The following FRMPD1 variants were observed in gnomAD, a reference collection of about 807,000 sequenced individuals.
The protein encoded by FRMPD1 is FERM and PDZ domain-containing protein 1.
A neutral mutation model predicts 117.8 loss-of-function variants in FRMPD1; 76 were observed. The ratio of observed to expected loss-of-function variants is 0.65; its 90% CI spans 0.54 to 0.78. The LOEUF (loss-of-function observed/expected upper bound fraction) is 0.78, where lower values mean the gene tolerates loss of function less well. FRMPD1 is among the 30% of genes least tolerant of loss of function. The probability of loss-of-function intolerance (pLI) is 0.00; values close to 1 mark genes in which losing one functional copy is unlikely to be tolerated. For synonymous variants in FRMPD1, 783 were observed against 770.4 expected (o/e 1.02, Z -0.27); for missense variants, 1,786 against 1,964.5 (o/e 0.91, Z 1.72).
At chr9:37,712,753 AT>A in intron 5 of FRMPD1, among the ~76,000 whole-genome samples, 1 of 152,252 alleles carries the variant, frequency 6.6e-6, no homozygotes, top group East Asian at 1.9e-4. Flanking sequence ...ACAGAAGTAA[AT>A]CAATTAAATA....
At chr9:37,711,236 C>A in intron 4 of FRMPD1, 114 bp from the exon 5 acceptor site, 1 of 753,310 alleles carries the variant, frequency 1.3e-6, no homozygotes, top group South Asian at 1.5e-5. Flanking sequence ...CTGCTTTATA[C>A]TCATTCTGCC....
intron 7 of FRMPD1, among the ~76,000 whole-genome samples, chr9:37,726,650 A>G (rs904600127): frequency 6.6e-6 from 1 of 152,152 alleles, no homozygotes; most frequent in African/African-American, 2.4e-5. Flanking sequence ...GTGAGCCGAG[A>G]CCATGCCACT....
At chr9:37,682,617 A>G (rs930724129) in intron 1 of FRMPD1, among the ~76,000 whole-genome samples, 4 of 152,194 alleles carry the variant, frequency 2.6e-5, no homozygotes, top group African/African-American at 7.2e-5. Flanking sequence ...CCTAGGTTTT[A>G]TCTGGAGGGA....
chr9:37,610,377 T>C, the FRMPD1 span, among the ~76,000 whole-genome samples: 1 of 152,210 alleles, frequency 6.6e-6, no homozygotes, highest in Non-Finnish European at 1.5e-5. Context: ...CTCCATTTGT[T>C]GAATAACTGA....
chr9:37,685,377 C>T (rs188099763), intron 1 of FRMPD1, among the ~76,000 whole-genome samples: 2 of 152,196 alleles, frequency 1.3e-5, no homozygotes, highest in South Asian at 2.1e-4. Context: ...GGCGCAGTGG[C>T]TCACGCCTGT....
In FRMPD1 at chr9:37,745,131, AAAT is replaced by A. The variant is rs1175475930; in HGVS notation, c.3103_3105del (p.Asn1035del). ...CCTGCCTGGCCAGCAACCCAGGACT[AAAT>A]AATGTCTCTCAAGGAGACACACTAG... On this transcript the variant is annotated inframe_deletion, in exon 16 of 16. Transcript: ENST00000377765. 6.2e-7 allele frequency: 1 copy of A among 1,613,956 alleles called. No homozygotes were observed. Among genetic ancestry groups the A allele is most frequent in the African/African-American group, 1.3e-5 (1 of 74,928 alleles).
At chr9:37,684,831 GC>G (rs1314869096) in intron 1 of FRMPD1, among the ~76,000 whole-genome samples, 4 of 152,240 alleles carry the variant, frequency 2.6e-5, no homozygotes, top group African/African-American at 7.2e-5. Flanking sequence ...ATGGCTCACT[GC>G]AGCCTCAACC....
intron 1 of FRMPD1, among the ~76,000 whole-genome samples, chr9:37,656,699 T>G (rs960005376): frequency 2.0e-5 from 3 of 152,216 alleles, no homozygotes; most frequent in Middle Eastern, 3.2e-3. Flanking sequence ...TGAGACTTTT[T>G]TTTTTTCAGT....
At chr9:37,676,121 C>T (rs562113058) in intron 1 of FRMPD1, among the ~76,000 whole-genome samples, 1 of 152,178 alleles carries the variant, frequency 6.6e-6, no homozygotes, top group Non-Finnish European at 1.5e-5. Context: ...ACAGTTGTAC[C>T]CAGAGCATAG....
At chr9:37,676,296 T>C (rs1252230346) in intron 1 of FRMPD1, among the ~76,000 whole-genome samples, 1 of 152,186 alleles carries the variant, frequency 6.6e-6, no homozygotes, top group Non-Finnish European at 1.5e-5. Context: ...AGAGCTCGTG[T>C]CTCGGGGAGC....
Position 37,702,794 on chromosome 9 carries a change from G to A in FRMPD1, c.102-4622G>A, listed in dbSNP as rs537927476. Among the ~76,000 whole-genome samples the A allele has an allele frequency of 3.3e-4, 50 of 152,308 alleles. 2 individuals carry two copies. The South Asian group carries it at 8.9e-3, about 27-fold the overall frequency. Reference sequence around the variant, plus strand: ...AAGGGTAAACCATAGCTTACACAGTGCTCTGGAAGGGTATTTTCTAGATTG... The same window carrying A: ...AAGGGTAAACCATAGCTTACACAGTACTCTGGAAGGGTATTTTCTAGATTG... On this transcript the variant is annotated intron_variant, in intron 2 of 15. Transcript: ENST00000377765.
intron 15 of FRMPD1, among the ~76,000 whole-genome samples, chr9:37,741,124 A>C (rs1385125806): frequency 6.6e-6 from 1 of 152,110 alleles, no homozygotes; most frequent in Non-Finnish European, 1.5e-5. Context: ...AGTGGGAATC[A>C]GGGAAGGCTT....
the FRMPD1 span, among the ~76,000 whole-genome samples, chr9:37,623,990 G>A: frequency 7.2e-5 from 11 of 152,200 alleles, no homozygotes; most frequent in Admixed American, 4.6e-4. Context: ...TATGGTTCGG[G>A]GCCCCAGCGG....
chr9:37,706,785 A>C (rs1822719956), intron 2 of FRMPD1, among the ~76,000 whole-genome samples: 1 of 152,220 alleles, frequency 6.6e-6, no homozygotes. Context: ...CACCAAAGAC[A>C]AAATCTTGCT....
intron 1 of FRMPD1, among the ~76,000 whole-genome samples, chr9:37,675,637 T>G (rs1417642371): frequency 1.3e-5 from 2 of 152,144 alleles, no homozygotes; most frequent in African/African-American, 4.8e-5. Context: ...GCTCATGATG[T>G]AGGTGCCACA....
chr9:37,645,853 C>G, the FRMPD1 span, among the ~76,000 whole-genome samples: 1 of 152,218 alleles, frequency 6.6e-6, no homozygotes, highest in Non-Finnish European at 1.5e-5. Context: ...CAGTACTTCT[C>G]TTTGTGACTA....
Position 37,711,383 on chromosome 9 carries a change from T to G in FRMPD1, c.396T>G (p.Val132=), listed in dbSNP as rs1187830844. The change falls in exon 5 of 16, where the codon GTT becomes GTG. Residue 132 remains valine (V), a synonymous_variant. Transcript: ENST00000377765. ...EAEDSLSITV[V]RCTSGVPKSS... is the part of the protein sequence containing the mutation. ...AAGATTCTCTTTCAATCACAGTTGT[T>G]CGCTGCACGTCGGTAAATCTCTTTC... 1.2e-6 allele frequency: 2 copies of G among 1,608,946 alleles called. No individual in the cohort carries two copies. The highest frequency in any genetic ancestry group is 1.7e-6 in the Non-Finnish European group (2 of 1,175,220).
chr9:37,643,561 G>C, the FRMPD1 span, among the ~76,000 whole-genome samples: 1 of 151,904 alleles, frequency 6.6e-6, no homozygotes, highest in South Asian at 2.1e-4. Context: ...TTTCTTTCTA[G>C]TCTCTGCTTG....
intron 1 of FRMPD1, among the ~76,000 whole-genome samples, chr9:37,656,044 G>A (rs76715514): frequency 1.1e-3 from 169 of 152,236 alleles, no homozygotes; most frequent in Middle Eastern, 3.4e-3. Context: ...TTTTGTGTGC[G>A]GTCACTTGTG....
Sources: allele counts gnomAD v4.1 joint callset (sites outside exome capture counted in the v4.1 genomes callset), GRCh38; gene constraint gnomAD v4.1.1; transcripts MANE v1.5; gene names NCBI Gene and HGNC (gene_info 2026-07-23, HGNC 2026-07-21).